PRKN: variants seen among roughly 807,000 people sequenced by gnomAD.
PRKN encodes the protein E3 ubiquitin-protein ligase parkin.
PRKN carries 56 observed loss-of-function variants against 59.5 expected under a neutral mutation model. That is an observed-to-expected ratio of 0.94 (90% CI 0.76 to 1.18). The LOEUF is 1.18. PRKN is among the 50% of genes most tolerant of loss of function. The probability of loss-of-function intolerance (pLI) is 0.00; values close to 1 mark genes in which losing one functional copy is unlikely to be tolerated. For missense variants in PRKN, 657 were observed against 596.4 expected (o/e 1.10, Z -1.06); for synonymous variants, 250 against 222.1 (o/e 1.13, Z -1.12).
chr6:161,948,575 G>A (rs1779866886), intron 6 of PRKN, among the ~76,000 whole-genome samples: 1 of 152,272 alleles, frequency 6.6e-6, no homozygotes, highest in South Asian at 2.1e-4. Context: ...CAGGCTGCAA[G>A]AATCAGGACA....
intron 2 of PRKN, among the ~76,000 whole-genome samples, chr6:162,329,754 C>T (rs968492173): frequency 3.3e-5 from 5 of 152,008 alleles, no homozygotes; most frequent in Non-Finnish European, 7.4e-5. Context: ...TAATTTTGTA[C>T]ATTTTATATA....
chr6:162,180,974 G>A (rs1783777459), intron 4 of PRKN, among the ~76,000 whole-genome samples: 2 of 152,212 alleles, frequency 1.3e-5, no homozygotes, highest in South Asian at 4.1e-4. Context: ...GTTTAAACTG[G>A]ATTGGCCTCA....
intron 2 of PRKN, among the ~76,000 whole-genome samples, chr6:162,297,980 G>T (rs1417847348): frequency 6.6e-6 from 1 of 152,096 alleles, no homozygotes; most frequent in African/African-American, 2.4e-5. Flanking sequence ...GCTAGAAGTG[G>T]ATTCTCTGTC....
intron 6 of PRKN, among the ~76,000 whole-genome samples, chr6:161,821,935 G>T (rs1414828917): frequency 6.6e-6 from 1 of 151,740 alleles, no homozygotes; most frequent in Non-Finnish European, 1.5e-5. Flanking sequence ...TTTTAGTAGA[G>T]ACGGGGTTTC....
intron 7 of PRKN, among the ~76,000 whole-genome samples, chr6:161,727,090 A>G (rs1247772974): frequency 6.6e-6 from 1 of 152,180 alleles, no homozygotes; most frequent in Non-Finnish European, 1.5e-5. Context: ...CTAAGAGAAC[A>G]GGAGACACAC....
intron 7 of PRKN, among the ~76,000 whole-genome samples, chr6:161,754,308 C>T (rs1020548378): frequency 3.9e-5 from 6 of 151,956 alleles, no homozygotes; most frequent in African/African-American, 1.5e-4. Context: ...ACCAGCTTGA[C>T]TCCGAGGGCC....
intron 1 of PRKN, among the ~76,000 whole-genome samples, chr6:162,578,434 T>A (rs538548933): frequency 1.3e-4 from 20 of 152,304 alleles, no homozygotes; most frequent in Non-Finnish European, 2.5e-4. Context: ...AAATTAATTA[T>A]CGTTTTTAAA....
chr6:161,790,476 A>C (rs972873577), intron 6 of PRKN, among the ~76,000 whole-genome samples: 6 of 152,154 alleles, frequency 3.9e-5, no homozygotes, highest in African/African-American at 1.4e-4. Context: ...CGTATGTTAA[A>C]ATCCTTATCT....
intron 3 of PRKN, among the ~76,000 whole-genome samples, chr6:162,231,928 C>T (rs142234886): frequency 6.6e-6 from 1 of 152,262 alleles, no homozygotes; most frequent in African/African-American, 2.4e-5. Flanking sequence ...CTAATAAGGG[C>T]CTGGCTGGGT....
At chr6:161,643,736 C>T (rs1166238711) in intron 7 of PRKN, among the ~76,000 whole-genome samples, 2 of 152,070 alleles carry the variant, frequency 1.3e-5, no homozygotes, top group African/African-American at 2.4e-5. Context: ...GAGTTTTATA[C>T]CATCTATTCT....
intron 6 of PRKN, among the ~76,000 whole-genome samples, chr6:161,899,294 A>C (rs1245535106): frequency 6.6e-6 from 1 of 152,242 alleles, no homozygotes; most frequent in African/African-American, 2.4e-5. Context: ...GAGAATTACA[A>C]AATGTTATAC....
At chr6:161,642,856 T>C (rs552444780) in intron 7 of PRKN, among the ~76,000 whole-genome samples, 2 of 152,344 alleles carry the variant, frequency 1.3e-5, no homozygotes, top group Admixed American at 6.5e-5. Context: ...TTTAAAAACA[T>C]TTAAACATAC....
chr6:162,005,270 G>T (rs1782204835), intron 5 of PRKN, among the ~76,000 whole-genome samples: 1 of 152,168 alleles, frequency 6.6e-6, no homozygotes, highest in Non-Finnish European at 1.5e-5. Context: ...GGTAATAAAA[G>T]AAATAAAGTA....
rs1405549360 is a variant in PRKN at position 162,010,899 on chromosome 6, T to C, written c.619-37482A>G. 4.9e-4 allele frequency among the ~76,000 whole-genome samples: 5 copies of C among 10,110 alleles called. 1 individual carries two copies. Among genetic ancestry groups the C allele is most frequent in the Admixed American group, 3.2e-3 (1 of 310 alleles). 6.6% of individuals were successfully genotyped at this position (10,110 alleles called of 152,430 possible). A position where few individuals can be genotyped will look rare whatever the true frequency, so the allele number is the denominator to read the frequency against. On this transcript the variant is annotated intron_variant, in intron 5 of 11. Coordinates refer to ENST00000366898, the MANE Select transcript of PRKN (RefSeq NM_004562.3). ...AATATATTATATAATATATTATATA[T>C]ACTATAATATATTAAATATATAATA...
rs571792565 is a variant in PRKN at position 162,688,948 on chromosome 6, T to C, written c.7+38714A>G. Among the ~76,000 whole-genome samples the C allele has an allele frequency of 3.3e-5, 5 of 152,308 alleles. No individual in the cohort carries two copies. In the East Asian group the frequency reaches 9.6e-4, roughly 29 times the overall value. On this transcript the variant is annotated intron_variant, in intron 1 of 11. Transcript: ENST00000366898. ...TTGACAGAAAGGCATTAGCCTACCATGCTAAACCAAAGATAGGAGAGACAG... is the reference window on the plus strand; with the variant it reads ...TTGACAGAAAGGCATTAGCCTACCACGCTAAACCAAAGATAGGAGAGACAG...
At chr6:162,712,300 C>T (rs553569454) in intron 1 of PRKN, among the ~76,000 whole-genome samples, 12 of 152,168 alleles carry the variant, frequency 7.9e-5, no homozygotes, top group Admixed American at 2.6e-4. Flanking sequence ...GCTCTTTTAC[C>T]TGGGCCACTT....
intron 1 of PRKN, among the ~76,000 whole-genome samples, chr6:162,657,990 G>C (rs1448258241): frequency 6.6e-6 from 1 of 152,132 alleles, no homozygotes; most frequent in African/African-American, 2.4e-5. Flanking sequence ...ACTATAAAAT[G>C]TCACCAGAAC....
At chr6:162,491,565 C>T (rs1246871204) in intron 1 of PRKN, among the ~76,000 whole-genome samples, 1 of 152,184 alleles carries the variant, frequency 6.6e-6, no homozygotes, top group Non-Finnish European at 1.5e-5. Flanking sequence ...CCTTCATATG[C>T]CTCATACACT....
intron 4 of PRKN, among the ~76,000 whole-genome samples, chr6:162,077,117 A>G (rs1778861032): frequency 6.6e-6 from 1 of 152,130 alleles, no homozygotes; most frequent in Non-Finnish European, 1.5e-5. Context: ...CGTGGCAGAC[A>G]TGGAGGCTGG....
Sources: gnomAD v4.1 joint callset for allele counts (sites outside exome capture counted in the v4.1 genomes callset) on GRCh38, gnomAD v4.1.1 for gene constraint, MANE v1.5 for transcripts, NCBI Gene and HGNC (gene_info 2026-07-23, HGNC 2026-07-21) for gene names.